FRMD4A: variants seen among roughly 807,000 people sequenced by gnomAD.
FRMD4A encodes the protein FERM domain containing 4A.
FRMD4A carries 29 observed loss-of-function variants against 129.1 expected under a neutral mutation model. That is an observed-to-expected ratio of 0.22 (90% CI 0.17 to 0.31). The LOEUF is 0.31. FRMD4A is among the 10% of genes least tolerant of loss of function. The pLI, the probability that FRMD4A is intolerant of heterozygous loss-of-function variation, is 1.00. For synonymous variants in FRMD4A, 634 were observed against 571.6 expected, an observed-to-expected ratio of 1.11 and a Z score of -1.56; for missense variants, 1,272 against 1,375.8, an observed-to-expected ratio of 0.92 and a Z score of 1.19.
At chr10:13,767,104 T>G (rs1318550803) in intron 6 of FRMD4A, among the ~76,000 whole-genome samples, 1 of 152,056 alleles carries the variant, frequency 6.6e-6, no homozygotes, top group Non-Finnish European at 1.5e-5. Context: ...AAAACACCCC[T>G]GAAAGCCAAG....
intron 2 of FRMD4A, among the ~76,000 whole-genome samples, chr10:14,217,132 A>C (rs1293319634): frequency 6.6e-6 from 1 of 152,128 alleles, no homozygotes; most frequent in Non-Finnish European, 1.5e-5. Flanking sequence ...ACATTTTACT[A>C]TACAGAATGT....
Position 14,010,761 on chromosome 10 carries a change from CG to C in FRMD4A, c.46-151850del, listed in dbSNP as rs1240807020. 2.8e-5 allele frequency among the ~76,000 whole-genome samples: 4 copies of C among 145,096 alleles called. No homozygotes were observed. In the East Asian group the frequency reaches 8.3e-4, roughly 30 times the overall value. On this transcript the variant is annotated intron_variant, in intron 2 of 24. Coordinates refer to ENST00000357447, the MANE Select transcript of FRMD4A (RefSeq NM_018027.5). ...CTGGGCTCAAGCAATCTCCTCGCTT[CG>C]GCCCCCCAAAGTGCTAGGATTACAG...
At chr10:14,237,116 T>A (rs1195284908) in intron 2 of FRMD4A, among the ~76,000 whole-genome samples, 1 of 149,936 alleles carries the variant, frequency 6.7e-6, no homozygotes, top group Non-Finnish European at 1.5e-5. Context: ...TAAGCAGAGG[T>A]GAATTCTTGG....
intron 2 of FRMD4A, among the ~76,000 whole-genome samples, chr10:13,939,883 T>G (rs1158450300): frequency 1.3e-5 from 2 of 152,218 alleles, no homozygotes; most frequent in Non-Finnish European, 2.9e-5. Flanking sequence ...CTCACTGTCC[T>G]GATAGTTGAA....
At chr10:13,771,505 T>G (rs1444971093) in intron 6 of FRMD4A, among the ~76,000 whole-genome samples, 1 of 152,224 alleles carries the variant, frequency 6.6e-6, no homozygotes, top group Admixed American at 6.5e-5. Context: ...ACTCGGTGAT[T>G]TCTCAGGAAA....
chr10:13,835,977 C>T (rs1157364590), intron 3 of FRMD4A, among the ~76,000 whole-genome samples: 1 of 152,088 alleles, frequency 6.6e-6, no homozygotes, highest in African/African-American at 2.4e-5. Flanking sequence ...ATGAGCCTGG[C>T]ACTAAACACT....
intron 6 of FRMD4A, among the ~76,000 whole-genome samples, chr10:13,769,262 C>T (rs892081065): frequency 6.1e-5 from 9 of 148,580 alleles, no homozygotes; most frequent in Non-Finnish European, 1.0e-4. Flanking sequence ...TACTGGTCAC[C>T]GTGTCTGTGG....
intron 11 of FRMD4A, among the ~76,000 whole-genome samples, 197 bp from the exon 12 acceptor site, chr10:13,738,127 G>A (rs1171457081): frequency 6.6e-6 from 1 of 152,174 alleles, no homozygotes. Flanking sequence ...AGGGTGACAT[G>A]GGGAGTGCCG....
intron 12 of FRMD4A, among the ~76,000 whole-genome samples, chr10:13,736,534 C>G (rs1263300239): frequency 6.6e-6 from 1 of 152,250 alleles, no homozygotes; most frequent in Non-Finnish European, 1.5e-5. Flanking sequence ...AACCACCTTA[C>G]TGATCAATGG....
In FRMD4A at chr10:14,087,102, T is replaced by C. The variant is rs752867073; in HGVS notation, c.46-228190A>G. On this transcript the variant is annotated intron_variant, in intron 2 of 24. Transcript: ENST00000357447. ...AATTGGAACCAGCTGGCTACCCTGGTTGCGGGGGGTGGGCATGTGGTTTGG... is the reference window on the plus strand; with the variant it reads ...AATTGGAACCAGCTGGCTACCCTGGCTGCGGGGGGTGGGCATGTGGTTTGG... Among the ~76,000 whole-genome samples the C allele has an allele frequency of 5.5e-4, 83 of 151,934 alleles. 1 individual carries two copies. Among genetic ancestry groups the C allele is most frequent in the Non-Finnish European group, 1.0e-3 (70 of 68,000 alleles).
chr10:14,094,152 T>C (rs1287608812), intron 2 of FRMD4A, among the ~76,000 whole-genome samples: 1 of 152,252 alleles, frequency 6.6e-6, no homozygotes, highest in Non-Finnish European at 1.5e-5. Context: ...AGCTCTGGGC[T>C]TCTGATCTGA....
intron 15 of FRMD4A, among the ~76,000 whole-genome samples, chr10:13,678,808 G>A (rs186344380): frequency 6.6e-6 from 1 of 152,250 alleles, no homozygotes; most frequent in Admixed American, 6.5e-5. Flanking sequence ...CACATAATAT[G>A]GGGTGCACAT....
At chr10:13,779,121 G>A (rs939373434) in intron 6 of FRMD4A, among the ~76,000 whole-genome samples, 9 of 151,924 alleles carry the variant, frequency 5.9e-5, no homozygotes, top group Admixed American at 2.0e-4. Flanking sequence ...GTTCGAGACC[G>A]GCCTGACTAA....
intron 18 of FRMD4A, among the ~76,000 whole-genome samples, chr10:13,664,261 C>A (rs1473175433): frequency 6.6e-6 from 1 of 152,176 alleles, no homozygotes; most frequent in Admixed American, 6.5e-5. Context: ...CTTAATTACT[C>A]CTCTAGTTCA....
intron 2 of FRMD4A, among the ~76,000 whole-genome samples, chr10:14,013,474 G>A (rs1450825620): frequency 6.6e-6 from 1 of 152,148 alleles, no homozygotes; most frequent in Non-Finnish European, 1.5e-5. Context: ...AGGGGTGTGG[G>A]GCTCAGGGAA....
chr10:14,201,462 G>A (rs1842634547), intron 2 of FRMD4A, among the ~76,000 whole-genome samples: 1 of 152,202 alleles, frequency 6.6e-6, no homozygotes, highest in Non-Finnish European at 1.5e-5. Context: ...ATTGCTGCAG[G>A]AATAACTTGG....
chr10:13,775,194 C>T (rs148024536), intron 6 of FRMD4A, among the ~76,000 whole-genome samples: 35 of 152,292 alleles, frequency 2.3e-4, no homozygotes, highest in Middle Eastern at 3.4e-3. Context: ...AAGAACCTCA[C>T]AACTAAAAAA....
At chr10:13,912,795 T>A (rs982356157) in intron 2 of FRMD4A, among the ~76,000 whole-genome samples, 1 of 151,994 alleles carries the variant, frequency 6.6e-6, no homozygotes, top group Non-Finnish European at 1.5e-5. Flanking sequence ...ATTATTTGGC[T>A]GGGCGTGGTG....
At chr10:13,695,629 C>T (rs74121840) in intron 14 of FRMD4A, among the ~76,000 whole-genome samples, 5,391 of 152,292 alleles carry the variant, frequency 0.035, 183 homozygotes, top group African/African-American at 0.097. Context: ...CAACTAGAAA[C>T]GGTCACTTGC....
Sources: allele counts gnomAD v4.1 joint callset (sites outside exome capture counted in the v4.1 genomes callset), GRCh38; gene constraint gnomAD v4.1.1; transcripts MANE v1.5; gene names NCBI Gene and HGNC (gene_info 2026-07-23, HGNC 2026-07-21).